CSRNP3: variants seen among roughly 807,000 people sequenced by gnomAD.
CSRNP3 encodes cysteine and serine rich nuclear protein 3.
Under a neutral mutation model 48.0 loss-of-function variants are expected in CSRNP3, and 12 were observed. That is an observed-to-expected ratio of 0.25 (90% confidence interval 0.16 to 0.41). The LOEUF (loss-of-function observed/expected upper bound fraction) is 0.41. Among genes scored for constraint, CSRNP3 ranks in the 10% least tolerant of loss-of-function variants. The pLI is 1.00. For missense variants in CSRNP3, 580 were observed against 724.4 expected (o/e 0.80, Z 2.29); for synonymous variants, 263 against 269.7 (o/e 0.98, Z 0.24).
intron 4 of CSRNP3, among the ~76,000 whole-genome samples, chr2:165,638,577 T>C (rs1400925541): frequency 6.6e-6 from 1 of 152,232 alleles, no homozygotes; most frequent in Non-Finnish European, 1.5e-5. Flanking sequence ...GAAAATGTTG[T>C]AAATCTTTAA....
At chr2:165,674,718 T>A (rs1180763955) in intron 5 of CSRNP3, among the ~76,000 whole-genome samples, 4 of 108,252 alleles carry the variant, frequency 3.7e-5, no homozygotes, top group Non-Finnish European at 6.9e-5. Context: ...ATATATAATT[T>A]GTTTATTTAT....
intron 4 of CSRNP3, among the ~76,000 whole-genome samples, chr2:165,635,673 C>A (rs1262712410): frequency 1.3e-5 from 2 of 152,120 alleles, no homozygotes; most frequent in African/African-American, 4.8e-5. Context: ...CAGTATCTTA[C>A]CTGATGGTAA....
At chr2:165,528,204 A>C (rs965874828) in intron 3 of CSRNP3, among the ~76,000 whole-genome samples, 1 of 152,124 alleles carries the variant, frequency 6.6e-6, no homozygotes, top group Non-Finnish European at 1.5e-5. Flanking sequence ...TGAGTTCCTT[A>C]CATATTTTGG....
intron 3 of CSRNP3, among the ~76,000 whole-genome samples, chr2:165,537,202 C>G (rs1403264004): frequency 1.3e-5 from 2 of 151,412 alleles, no homozygotes; most frequent in African/African-American, 4.9e-5. Flanking sequence ...GTTACTGACA[C>G]ATTCAACTTC....
intron 4 of CSRNP3, among the ~76,000 whole-genome samples, chr2:165,598,100 A>T (rs1685842270): frequency 6.6e-6 from 1 of 152,198 alleles, no homozygotes; most frequent in Admixed American, 6.5e-5. Context: ...TGAAAACTAT[A>T]TAAATGAAAA....
chr2:165,558,152 A>G (rs1030437066), intron 3 of CSRNP3, among the ~76,000 whole-genome samples: 3 of 152,160 alleles, frequency 2.0e-5, no homozygotes, highest in Non-Finnish European at 4.4e-5. Context: ...GGGGGAAAAA[A>G]CTATTGTAGA....
intron 3 of CSRNP3, among the ~76,000 whole-genome samples, chr2:165,548,255 G>A (rs2105257883): frequency 6.6e-6 from 1 of 152,014 alleles, no homozygotes; most frequent in Admixed American, 6.5e-5. Context: ...AAATATCATG[G>A]GATTGGGGGT....
chr2:165,476,013 T>C (rs935347827), intron 1 of CSRNP3, among the ~76,000 whole-genome samples: 2 of 152,210 alleles, frequency 1.3e-5, no homozygotes, highest in African/African-American at 4.8e-5. Flanking sequence ...GTAATTGTTA[T>C]ATTAATATAT....
At position 165,483,247 on chromosome 2, in the gene CSRNP3, G is replaced by A. The variant is rs190053871; in HGVS notation, c.-282-11512G>A. Among the ~76,000 whole-genome samples, 703 of 152,130 alleles carry A rather than the reference G, an allele frequency of 4.6e-3. 3 individuals are homozygous for A. The highest frequency in any genetic ancestry group is 7.6e-3 in the Non-Finnish European group (517 of 67,988). On this transcript the variant is annotated intron_variant, in intron 1 of 6. Transcript: ENST00000651982. ...CTGGTAACAACACACATTTAAGGCC[G>A]TTGCAGGGGATCCATCTAAGCTCTA...
At chr2:165,481,102 GGCC>G (rs1684036776) in intron 1 of CSRNP3, among the ~76,000 whole-genome samples, 1 of 151,962 alleles carries the variant, frequency 6.6e-6, no homozygotes, top group Non-Finnish European at 1.5e-5. Flanking sequence ...TAAATATCAT[GGCC>G]TAGTTATTCA....
At chr2:165,560,505 C>A (rs1009766327) in intron 3 of CSRNP3, among the ~76,000 whole-genome samples, 2 of 152,126 alleles carry the variant, frequency 1.3e-5, no homozygotes, top group Non-Finnish European at 2.9e-5. Flanking sequence ...TGTAGCTAAC[C>A]CAAGCTTTAC....
intron 3 of CSRNP3, among the ~76,000 whole-genome samples, chr2:165,539,063 G>T (rs960873290): frequency 6.6e-6 from 1 of 151,896 alleles, no homozygotes; most frequent in Non-Finnish European, 1.5e-5. Flanking sequence ...CCAAGACAGG[G>T]TCAAAATTTT....
chr2:165,536,459 A>C (rs888059536), intron 3 of CSRNP3, among the ~76,000 whole-genome samples: 1 of 151,952 alleles, frequency 6.6e-6, no homozygotes, highest in African/African-American at 2.4e-5. Context: ...GTCAAAAAAC[A>C]TGCTAGTACT....
chr2:165,542,369 A>G (rs1005148533), intron 3 of CSRNP3, among the ~76,000 whole-genome samples: 5 of 152,180 alleles, frequency 3.3e-5, no homozygotes, highest in Non-Finnish European at 7.3e-5. Flanking sequence ...TGTTTAGTGC[A>G]TACCTTGTCA....
chr2:165,480,363 G>A (rs1198552754), intron 1 of CSRNP3, among the ~76,000 whole-genome samples: 2 of 152,072 alleles, frequency 1.3e-5, no homozygotes, highest in Non-Finnish European at 1.5e-5. Context: ...TCGCAGGAGT[G>A]GTATCTCACA....
Position 165,655,794 on chromosome 2 carries a change from G to T in CSRNP3, c.149-1967G>T, listed in dbSNP as rs116860874. On this transcript the variant is annotated intron_variant, in intron 4 of 6. Transcript: ENST00000651982. The stretch of plus-strand genomic sequence containing the variant: ...TCCATCTCCATGTCAGTCTTCACAC[G>T]GTGTTCTTTCTGTGTCTCTTCACAT... Among the ~76,000 whole-genome samples the T allele has an allele frequency of 4.1e-4, 62 of 152,236 alleles. 1 individual carries two copies. The East Asian group carries it at 0.011, about 28-fold the overall frequency.
At chr2:165,560,060 A>G (rs1192105025) in intron 3 of CSRNP3, among the ~76,000 whole-genome samples, 1 of 151,932 alleles carries the variant, frequency 6.6e-6, no homozygotes, top group Non-Finnish European at 1.5e-5. Flanking sequence ...TGGCCTCCCA[A>G]AGTGTTGGGA....
rs111826872 is a variant in CSRNP3, at chr2:165,665,496, C to T, written c.408+7476C>T. 4.1e-3 allele frequency among the ~76,000 whole-genome samples: 622 copies of T among 152,160 alleles called. 2 individuals carry two copies. Among genetic ancestry groups the T allele is most frequent in the African/African-American group, 0.013 (550 of 41,500 alleles). On this transcript the variant is annotated intron_variant, in intron 5 of 6. Coordinates refer to ENST00000651982, the MANE Select transcript of CSRNP3 (RefSeq NM_001172173.2). ...AATTCTCTGGCCGGGCAGGGTGGCTCGCACCTGTAATCCCAGCACTTTGGG... is the reference window on the plus strand; with the variant it reads ...AATTCTCTGGCCGGGCAGGGTGGCTTGCACCTGTAATCCCAGCACTTTGGG...
Position 165,545,997 on chromosome 2 carries a change from A to G in CSRNP3, c.-24+28036A>G, listed in dbSNP as rs1262661809. 3.9e-5 allele frequency among the ~76,000 whole-genome samples: 6 copies of G among 152,296 alleles called. 1 individual carries two copies. The highest frequency in any genetic ancestry group is 1.4e-4 in the African/African-American group (6 of 41,570). On this transcript the variant is annotated intron_variant, in intron 3 of 6. Transcript: ENST00000651982. ...CTATTATTTGTTATTATTTGTCTGC[A>G]GTACATAAAGTTAATTATGTGTTAT...
Sources: allele counts gnomAD v4.1 joint callset (sites outside exome capture counted in the v4.1 genomes callset), GRCh38; gene constraint gnomAD v4.1.1; transcripts MANE v1.5; gene names NCBI Gene and HGNC (gene_info 2026-07-23, HGNC 2026-07-21).